PIK3C3: variants seen among roughly 807,000 people sequenced by gnomAD.
The protein encoded by PIK3C3 is phosphatidylinositol 3-kinase catalytic subunit type 3, also known as PI3-kinase type 3.
A neutral mutation model predicts 126.1 loss-of-function variants in PIK3C3; 95 were observed. That is an observed-to-expected ratio of 0.75 (90% CI 0.64 to 0.89). The LOEUF (loss-of-function observed/expected upper bound fraction) is 0.89, where lower values mean the gene tolerates loss of function less well. PIK3C3 is among the 40% of genes least tolerant of loss of function. The pLI is 0.00. For synonymous variants in PIK3C3, 374 were observed against 360.0 expected, an observed-to-expected ratio of 1.04 and a Z score of -0.44; for missense variants, 829 against 1,063.2, an observed-to-expected ratio of 0.78 and a Z score of 3.06.
chr18:42,062,602 A>G (rs966392188), intron 22 of PIK3C3, among the ~76,000 whole-genome samples: 1 of 152,082 alleles, frequency 6.6e-6, no homozygotes, highest in Non-Finnish European at 1.5e-5. Flanking sequence ...TTCATTCTGG[A>G]CATTTATTTT....
chr18:42,020,704 T>G lies in PIK3C3; in HGVS notation c.1483T>G (p.Trp495Gly). ...CTCAACACTGGCTAATTATTTATAC[T>G]GGTATGTAAAAATAATTTTCTGTTT... ...KNSTLANYLY[W>G]YVIVECEDQD... The change falls in exon 13 of 25, where the codon TGG (tryptophan) becomes GGG (glycine). Residue 495 changes from tryptophan to glycine, a missense_variant and splice_region_variant. Around this residue, in one of 4 missense-constraint regions of PIK3C3, gnomAD observed 256 missense variants for 291.0 expected, o/e 0.88. Coordinates refer to ENST00000262039, the MANE Select transcript of PIK3C3 (RefSeq NM_002647.4). The G allele has an allele frequency of 6.5e-7, 1 of 1,540,204 alleles. No individual in the cohort carries two copies. The highest frequency in any genetic ancestry group is 9.0e-7 in the Non-Finnish European group (1 of 1,116,504).
intron 12 of PIK3C3, among the ~76,000 whole-genome samples, chr18:42,017,850 G>A (rs890406445): frequency 3.3e-5 from 5 of 151,746 alleles, no homozygotes; most frequent in African/African-American, 7.3e-5. Flanking sequence ...TAAATATCAT[G>A]TAGCTAAATT....
chr18:42,016,522 A>G (rs1021672580), intron 12 of PIK3C3, among the ~76,000 whole-genome samples: 2 of 152,146 alleles, frequency 1.3e-5, no homozygotes, highest in East Asian at 1.9e-4. Flanking sequence ...GACAGTTACA[A>G]TGTTTGCCTT....
chr18:42,043,412 A>G (rs1984415738), intron 19 of PIK3C3, among the ~76,000 whole-genome samples: 1 of 152,116 alleles, frequency 6.6e-6, no homozygotes, highest in South Asian at 2.1e-4. Flanking sequence ...ATTTTTTAAT[A>G]GTACGTTAAT....
intron 5 of PIK3C3, 80 bp from the exon 6 acceptor site, chr18:41,990,379 T>G: frequency 1.3e-6 from 1 of 798,884 alleles, no homozygotes; most frequent in Non-Finnish European, 2.1e-6. Flanking sequence ...TATTACTGAA[T>G]TAGGAAAAAT....
chr18:42,085,978 G>A lies in PIK3C3; in HGVS notation c.*4841G>A, dbSNP rs1417976734. The A allele has an allele frequency of 6.6e-6, 1 of 152,086 alleles. No individual in the cohort carries two copies. Among genetic ancestry groups the A allele is most frequent in the Non-Finnish European group, 1.5e-5 (1 of 68,052 alleles). The allele number at this position is 152,086 out of a possible 1,614,324, so 9.4% of individuals were successfully genotyped here. ...GTATGTGCGTGCACAAAAATTAGCT[G>A]AGTGTGGTGGTTCACACTTGTAATC... is the stretch of plus-strand genomic sequence containing the variant. On this transcript the variant is annotated 3_prime_UTR_variant, in exon 25 of 25. Transcript: ENST00000262039.
chr18:41,959,868 G>A (rs9304263), intron 2 of PIK3C3, among the ~76,000 whole-genome samples: 42,437 of 151,966 alleles, frequency 0.28, 6,141 homozygotes, highest in South Asian at 0.4. Context: ...TTTAGTATTC[G>A]AAAGTTGAAT....
intron 21 of PIK3C3, chr18:42,051,313 C>T (rs749949350): frequency 1.3e-5 from 2 of 152,182 alleles, no homozygotes; most frequent in Admixed American, 6.5e-5. Context: ...TCTGCTCTTC[C>T]ATGAACCTGT....
At chr18:41,991,544 C>A (rs1054050039) in intron 6 of PIK3C3, among the ~76,000 whole-genome samples, 5 of 152,040 alleles carry the variant, frequency 3.3e-5, no homozygotes, top group African/African-American at 1.2e-4. Flanking sequence ...TGTATTTGTT[C>A]ATTAGAAGCA....
chr18:42,039,749 C>G (rs1047978753), intron 18 of PIK3C3, among the ~76,000 whole-genome samples: 1 of 152,204 alleles, frequency 6.6e-6, no homozygotes, highest in African/African-American at 2.4e-5. Flanking sequence ...TACTTCCTTT[C>G]ATAGTACCCT....
At chr18:42,071,719 C>CA (rs200860046) in intron 24 of PIK3C3, among the ~76,000 whole-genome samples, 1,911 of 98,776 alleles carry the variant, frequency 0.019, 21 homozygotes, top group African/African-American at 0.046. Context: ...GATTCTGTCT[C>CA]AAAAAAAAAA....
chr18:42,022,617 TTGGAACC>T (rs1480450017), intron 13 of PIK3C3, among the ~76,000 whole-genome samples: 4 of 152,172 alleles, frequency 2.6e-5, no homozygotes, highest in Non-Finnish European at 5.9e-5. Context: ...TTTCCCCCCT[TTGGAACC>T]TGTGTTTATT....
chr18:42,035,059 C>G (rs1056393023), intron 16 of PIK3C3, among the ~76,000 whole-genome samples: 14 of 152,056 alleles, frequency 9.2e-5, no homozygotes, highest in Non-Finnish European at 2.9e-5. Flanking sequence ...TTGCTTACAA[C>G]CTATTGGTTT....
chr18:42,044,719 A>G (rs1363375732), intron 20 of PIK3C3, among the ~76,000 whole-genome samples: 2 of 152,098 alleles, frequency 1.3e-5, no homozygotes, highest in East Asian at 3.8e-4. Flanking sequence ...CATCCCCAGC[A>G]TGTTTATTTT....
At chr18:42,068,949 C>CAAAA (rs35657662) in intron 24 of PIK3C3, among the ~76,000 whole-genome samples, 3 of 82,228 alleles carry the variant, frequency 3.6e-5, no homozygotes, top group Admixed American at 2.4e-4. Context: ...GACTCCGTCT[C>CAAAA]AAAAAAAAAA....
chr18:42,054,132 A>ATATCTATATATATATC lies in PIK3C3; in HGVS notation c.2264-3748_2264-3747insCTATATATATATCTAT, dbSNP rs1984931554. ...TAGAGGGACAGAACTAATGGTATAT[A>ATATCTATATATATATC]TATATATATATATATATATATATAT... On this transcript the variant is annotated intron_variant, in intron 21 of 24. Transcript: ENST00000262039. Among the ~76,000 whole-genome samples the ATATCTATATATATATC allele has an allele frequency of 9.9e-5, 2 of 20,248 alleles. 1 individual carries two copies. The highest frequency in any genetic ancestry group is 3.1e-3 in the East Asian group (2 of 650). 13.3% of individuals were successfully genotyped at this position (20,248 alleles called of 152,430 possible).
At chr18:41,975,197 C>T (rs1980853777) in intron 4 of PIK3C3, among the ~76,000 whole-genome samples, 1 of 152,110 alleles carries the variant, frequency 6.6e-6, no homozygotes, top group Admixed American at 6.5e-5. Context: ...TAAATAGGAG[C>T]TGGATTTTTT....
rs1255409910 is a variant in PIK3C3 at position 41,955,309 on chromosome 18, G to GT, written c.21dup (p.His8SerfsTer5). On this transcript the variant is annotated frameshift_variant, in exon 1 of 25. Transcript: ENST00000262039. LOFTEE classifies it high-confidence loss of function. The stretch of plus-strand genomic sequence containing the variant: ...ACGGTGCGATGGGGGAAGCAGAGAA[G>GT]TTTCACTACATCTATAGTTGTGACC... 1 of 1,613,392 alleles carries GT rather than the reference G, an allele frequency of 6.2e-7. No homozygotes were observed. Among genetic ancestry groups the GT allele is most frequent in the African/African-American group, 1.3e-5 (1 of 74,886 alleles).
chr18:42,073,106 GT>G (rs1985844045), intron 24 of PIK3C3, among the ~76,000 whole-genome samples: 1 of 152,106 alleles, frequency 6.6e-6, no homozygotes, highest in Non-Finnish European at 1.5e-5. Context: ...AGAGGTTTTT[GT>G]TTTTCAGAAT....
Sources: allele counts gnomAD v4.1 joint callset (sites outside exome capture counted in the v4.1 genomes callset), GRCh38; gene constraint gnomAD v4.1.1; regional missense constraint gnomAD v4.1.1; transcripts MANE v1.5; gene names NCBI Gene and HGNC (gene_info 2026-07-23, HGNC 2026-07-21).